RPE: variants seen among roughly 807,000 people sequenced by gnomAD.
RPE encodes ribulose-phosphate 3-epimerase.
RPE carries 16 observed loss-of-function variants against 24.6 expected under a neutral mutation model. The ratio of observed to expected loss-of-function variants is 0.65; its 90% CI spans 0.44 to 0.99. RPE has a LOEUF of 0.99. RPE is among the 50% of genes least tolerant of loss of function. RPE has a pLI of 0.00. For synonymous variants in RPE, 93 were observed against 98.4 expected (o/e 0.94, Z 0.33); for missense variants, 240 against 294.5 (o/e 0.81, Z 1.35).
At chr2:210,017,001 G>C (rs2093781174) in intron 4 of RPE, among the ~76,000 whole-genome samples, 1 of 152,052 alleles carries the variant, frequency 6.6e-6, no homozygotes, top group African/African-American at 2.4e-5. Flanking sequence ...ATACCACCAT[G>C]CCCGGCTAAT....
At chr2:210,003,414 T>G (rs1316601318) in intron 1 of RPE, 1 of 1,277,820 alleles carries the variant, frequency 7.8e-7, no homozygotes, top group Non-Finnish European at 1.0e-6. Context: ...ACAATTCTGA[T>G]TTTCCTGTCT....
At chr2:210,004,743 ATTG>A (rs753361758) in intron 1 of RPE, among the ~76,000 whole-genome samples, 5 of 152,108 alleles carry the variant, frequency 3.3e-5, no homozygotes, top group Non-Finnish European at 7.4e-5. Context: ...GTGCTTAGTT[ATTG>A]TTGGCCGAAT....
intron 3 of RPE, 27 bp downstream of exon 3, chr2:210,016,139 G>T: frequency 1.2e-6 from 2 of 1,614,178 alleles, no homozygotes; most frequent in South Asian, 1.1e-5. Context: ...AGAGTGTTTT[G>T]TAACATTCAC....
chr2:210,003,497 A>G, intron 1 of RPE: 1 of 1,261,068 alleles, frequency 7.9e-7, no homozygotes. Flanking sequence ...CCGTAGTTAC[A>G]GCACATAATA....
At chr2:210,009,317 G>A (rs755316215) in intron 1 of RPE, among the ~76,000 whole-genome samples, 5 of 152,208 alleles carry the variant, frequency 3.3e-5, no homozygotes, top group Admixed American at 6.5e-5. Context: ...ATCAATATTA[G>A]AGTCCAGAAC....
intron 2 of RPE, among the ~76,000 whole-genome samples, chr2:210,011,510 T>TG (rs1409190718): frequency 6.6e-6 from 1 of 152,220 alleles, no homozygotes; most frequent in African/African-American, 2.4e-5. Context: ...AATCCTGTGT[T>TG]GCTGCCACCA....
At chr2:210,010,473 G>T (rs780036048) in intron 2 of RPE, among the ~76,000 whole-genome samples, 2 of 151,314 alleles carry the variant, frequency 1.3e-5, no homozygotes, top group African/African-American at 4.9e-5. Context: ...CATGTTTCCC[G>T]GGCTAGTCTC....
At position 210,020,116 on chromosome 2, in the gene RPE, C is replaced by T. The variant is rs2093838347; in HGVS notation, c.*325C>T. On this transcript the variant is annotated 3_prime_UTR_variant, in exon 6 of 6. Transcript: ENST00000359429. The stretch of plus-strand genomic sequence containing the variant: ...ATGTCTAAGGAGGGCATATTAGCTA[C>T]ACTACAAAAACAAATTTTGTCTGTA... 5.5e-6 allele frequency: 1 copy of T among 182,300 alleles called. No individual in the cohort carries two copies. The highest frequency in any genetic ancestry group is 1.7e-4 in the East Asian group (1 of 6,004). The allele number at this position is 182,300 out of a possible 1,614,324, so 11.3% of individuals were successfully genotyped here.
At chr2:210,008,039 A>G (rs1481733910) in intron 1 of RPE, among the ~76,000 whole-genome samples, 1 of 152,180 alleles carries the variant, frequency 6.6e-6, no homozygotes, top group Non-Finnish European at 1.5e-5. Context: ...ACTTGGATGT[A>G]AAGGGAACTG....
intron 4 of RPE, 49 bp downstream of exon 4, chr2:210,016,690 T>G (rs1303709041): frequency 6.2e-7 from 1 of 1,611,736 alleles, no homozygotes; most frequent in Non-Finnish European, 8.5e-7. Flanking sequence ...GTGTGTTCAT[T>G]CAGTAAGCAT....
At chr2:210,018,027 G>C (rs1575324700) in intron 5 of RPE, 1 of 989,360 alleles carries the variant, frequency 1.0e-6, no homozygotes, top group East Asian at 2.7e-5. Context: ...TTACAGATGT[G>C]AGCCATGGCG....
intron 1 of RPE, among the ~76,000 whole-genome samples, chr2:210,008,568 C>T (rs957794890): frequency 2.8e-5 from 4 of 141,438 alleles, no homozygotes; most frequent in South Asian, 2.4e-4. Context: ...GCTGGGATTA[C>T]AGGTGTGAGC....
intron 5 of RPE, among the ~76,000 whole-genome samples, chr2:210,019,256 G>A (rs1231378723): frequency 6.6e-6 from 1 of 152,078 alleles, no homozygotes; most frequent in Non-Finnish European, 1.5e-5. Context: ...AGCAATAATT[G>A]TCCTTTCACA....
chr2:210,020,889 C>T lies in RPE; in HGVS notation c.*1098C>T, dbSNP rs1451964978. On this transcript the variant is annotated 3_prime_UTR_variant, in exon 6 of 6. Coordinates refer to ENST00000359429, the MANE Select transcript of RPE (RefSeq NM_199229.3). ...TCTGGGAAGTGGTAGAATTTCTGGT[C>T]TGTACTTTTACAAATGGAGCCCTTG... 1 of 152,504 alleles carries T rather than the reference C, an allele frequency of 6.6e-6. No individual in the cohort carries two copies. Among genetic ancestry groups the T allele is most frequent in the Non-Finnish European group, 1.5e-5 (1 of 67,962 alleles). 9.4% of individuals were successfully genotyped at this position (152,504 alleles called of 1,614,324 possible).
intron 5 of RPE, 143 bp downstream of exon 5, chr2:210,017,702 C>A: frequency 1.2e-5 from 7 of 605,380 alleles, no homozygotes; most frequent in East Asian, 3.2e-5. Context: ...ACATGTACAA[C>A]TAGGAAAATA....
At chr2:210,016,298 A>G in intron 3 of RPE, 186 bp downstream of exon 3, 1 of 1,604,480 alleles carries the variant, frequency 6.2e-7, no homozygotes, top group Non-Finnish European at 8.5e-7. Context: ...TTCAGCTATG[A>G]TGCCAGGATT....
intron 3 of RPE, 100 bp from the exon 4 acceptor site, chr2:210,016,407 A>T: frequency 6.4e-7 from 1 of 1,574,474 alleles, no homozygotes; most frequent in Non-Finnish European, 8.6e-7. Flanking sequence ...GTTAACTTTT[A>T]AAAAATAAGA....
chr2:210,018,004 C>G, intron 5 of RPE: 1 of 815,898 alleles, frequency 1.2e-6, no homozygotes, highest in East Asian at 2.8e-5. Context: ...CTCGGCCTCC[C>G]AAAGTGTTGG....
intron 1 of RPE, chr2:210,003,301 C>CT: frequency 2.6e-6 from 1 of 385,378 alleles, no homozygotes; most frequent in Non-Finnish European, 4.7e-6. Context: ...CTAACAGAAC[C>CT]TACCGCTTAG....
Sources: allele counts gnomAD v4.1 joint callset (sites outside exome capture counted in the v4.1 genomes callset), GRCh38; gene constraint gnomAD v4.1.1; transcripts MANE v1.5; gene names NCBI Gene and HGNC (gene_info 2026-07-23, HGNC 2026-07-21).